SGCZ: variants seen among roughly 807,000 people sequenced by gnomAD.
The protein encoded by SGCZ is zeta-sarcoglycan.
SGCZ carries 40 observed loss-of-function variants against 41.3 expected under a neutral mutation model. That is an observed-to-expected ratio of 0.97 (90% CI 0.75 to 1.26). The LOEUF is 1.26. Among genes scored for constraint, SGCZ ranks in the 50% most tolerant of loss-of-function variants. The pLI is 0.00. For synonymous variants in SGCZ, 206 were observed against 137.5 expected, an observed-to-expected ratio of 1.50 and a Z score of -3.49; for missense variants, 552 against 369.8, an observed-to-expected ratio of 1.49 and a Z score of -4.04.
intron 1 of SGCZ, among the ~76,000 whole-genome samples, chr8:14,784,897 T>G (rs1461252841): frequency 9.1e-5 from 1 of 11,046 alleles, no homozygotes; most frequent in East Asian, 3.3e-3. Context: ...AGTGAAACTC[T>G]GCCTCAAAAA....
chr8:14,844,144 G>C (rs1418740672), intron 1 of SGCZ, among the ~76,000 whole-genome samples: 1 of 151,876 alleles, frequency 6.6e-6, no homozygotes, highest in African/African-American at 2.4e-5. Flanking sequence ...AAACACTCAA[G>C]TTTCTCATAT....
intron 2 of SGCZ, among the ~76,000 whole-genome samples, chr8:14,392,174 T>C (rs1384193032): frequency 1.3e-5 from 2 of 152,302 alleles, no homozygotes; most frequent in Non-Finnish European, 2.9e-5. Flanking sequence ...TTTAATTCAA[T>C]AATAGCTACA....
chr8:14,757,998 G>A (rs1389745502), intron 1 of SGCZ, among the ~76,000 whole-genome samples: 3 of 152,002 alleles, frequency 2.0e-5, no homozygotes, highest in Non-Finnish European at 4.4e-5. Context: ...ATATACCCAT[G>A]TATATACACA....
At chr8:14,131,952 A>G (rs1406668046) in intron 5 of SGCZ, among the ~76,000 whole-genome samples, 2 of 152,026 alleles carry the variant, frequency 1.3e-5, no homozygotes, top group East Asian at 1.9e-4. Flanking sequence ...GGCTGTGTAA[A>G]TACACTCTAT....
chr8:14,995,667 A>G (rs1297108931), intron 1 of SGCZ, among the ~76,000 whole-genome samples: 1 of 152,236 alleles, frequency 6.6e-6, no homozygotes, highest in Non-Finnish European at 1.5e-5. Flanking sequence ...TGCTGACCTC[A>G]GTCCCTTATC....
At chr8:14,192,717 A>G (rs982890956) in intron 4 of SGCZ, among the ~76,000 whole-genome samples, 1 of 151,864 alleles carries the variant, frequency 6.6e-6, no homozygotes, top group African/African-American at 2.4e-5. Flanking sequence ...TTCAGAATAT[A>G]TTATTAAGCT....
intron 2 of SGCZ, among the ~76,000 whole-genome samples, chr8:14,401,371 T>G (rs1799068477): frequency 6.6e-6 from 1 of 151,508 alleles, no homozygotes; most frequent in African/African-American, 2.4e-5. Context: ...TGTGCCATGC[T>G]GGTGTGCTAC....
intron 1 of SGCZ, among the ~76,000 whole-genome samples, chr8:14,793,393 A>T (rs1801021284): frequency 6.6e-6 from 1 of 152,204 alleles, no homozygotes; most frequent in Non-Finnish European, 1.5e-5. Flanking sequence ...GGCACGTAGC[A>T]CAGATACTAT....
chr8:14,855,612 C>T lies in SGCZ; in HGVS notation c.40-300686G>A, dbSNP rs1171034326. Reference sequence around the variant, plus strand: ...ATTTTGTTTTCAACACAGACTGAGGCCAACTCTAAAAAGTTATCAAAAATA... The same window carrying T: ...ATTTTGTTTTCAACACAGACTGAGGTCAACTCTAAAAAGTTATCAAAAATA... On this transcript the variant is annotated intron_variant, in intron 1 of 7. Transcript: ENST00000382080. Among the ~76,000 whole-genome samples the T allele has an allele frequency of 3.3e-5, 5 of 152,184 alleles. No individual in the cohort carries two copies. The East Asian group carries it at 9.7e-4, about 29-fold the overall frequency.
intron 5 of SGCZ, among the ~76,000 whole-genome samples, chr8:14,110,109 G>A (rs9643972): frequency 0.36 from 54,747 of 151,858 alleles, 11,499 homozygotes; most frequent in Non-Finnish European, 0.49. Context: ...ATTCCTCAAG[G>A]TGGGTCTTTA....
At chr8:14,160,950 T>C (rs1337426100) in intron 5 of SGCZ, among the ~76,000 whole-genome samples, 4 of 152,190 alleles carry the variant, frequency 2.6e-5, no homozygotes. Flanking sequence ...TCAAAAAATA[T>C]AAAGCTGCAA....
At chr8:14,469,050 T>C (rs1170300663) in intron 2 of SGCZ, among the ~76,000 whole-genome samples, 1 of 152,064 alleles carries the variant, frequency 6.6e-6, no homozygotes, top group African/African-American at 2.4e-5. Flanking sequence ...TAATTAGTTC[T>C]CCATGCCACA....
At chr8:14,486,363 C>G (rs1014135522) in intron 2 of SGCZ, among the ~76,000 whole-genome samples, 1 of 152,184 alleles carries the variant, frequency 6.6e-6, no homozygotes, top group Non-Finnish European at 1.5e-5. Flanking sequence ...GAGCCTCCCA[C>G]TGGCCATGGA....
At chr8:15,205,234 A>C (rs184831743) in intron 1 of SGCZ, among the ~76,000 whole-genome samples, 3 of 152,320 alleles carry the variant, frequency 2.0e-5, no homozygotes, top group South Asian at 2.1e-4. Context: ...AAGCAATCAC[A>C]ACAGAAACCA....
intron 1 of SGCZ, among the ~76,000 whole-genome samples, chr8:14,726,635 C>A (rs1229041378): frequency 6.6e-6 from 1 of 151,666 alleles, no homozygotes; most frequent in African/African-American, 2.4e-5. Flanking sequence ...TTATTAATAA[C>A]TATGTATCAG....
intron 1 of SGCZ, among the ~76,000 whole-genome samples, chr8:14,831,687 T>C (rs534439294): frequency 2.0e-5 from 3 of 152,014 alleles, no homozygotes; most frequent in Non-Finnish European, 4.4e-5. Flanking sequence ...TATACAATTA[T>C]ACTAAAACAT....
rs191816595 is a variant in SGCZ, at chr8:14,660,632, G to C, written c.40-105706C>G. On this transcript the variant is annotated intron_variant, in intron 1 of 7. Coordinates refer to ENST00000382080, the MANE Select transcript of SGCZ (RefSeq NM_139167.4). ...AGCTGCAGTAAGGTCATTTAATAGA[G>C]GCTTCAGGAAAGGTCTCTGAGGAAA... 1.1e-3 allele frequency among the ~76,000 whole-genome samples: 167 copies of C among 150,910 alleles called. 1 individual carries two copies. The highest frequency in any genetic ancestry group is 3.5e-3 in the African/African-American group (145 of 41,050).
intron 2 of SGCZ, among the ~76,000 whole-genome samples, chr8:14,386,140 C>T (rs1804567082): frequency 6.6e-6 from 1 of 151,978 alleles, no homozygotes; most frequent in African/African-American, 2.4e-5. Context: ...AATACAGAGG[C>T]CCAACCATAT....
intron 3 of SGCZ, among the ~76,000 whole-genome samples, chr8:14,286,974 A>G (rs573311524): frequency 6.6e-6 from 1 of 152,082 alleles, no homozygotes; most frequent in African/African-American, 2.4e-5. Context: ...CAGTGAGTTT[A>G]GTTTTTTTCC....
Sources: allele counts gnomAD v4.1 joint callset (sites outside exome capture counted in the v4.1 genomes callset), GRCh38; gene constraint gnomAD v4.1.1; transcripts MANE v1.5; gene names NCBI Gene and HGNC (gene_info 2026-07-23, HGNC 2026-07-21).